Variants in LHFPL2 observed in about 807,000 individuals in gnomAD.
LHFPL2 encodes the protein LHFPL tetraspan subfamily member 2 protein.
A neutral mutation model predicts 17.5 loss-of-function variants in LHFPL2; 7 were observed. That is an observed-to-expected ratio of 0.40 (90% CI 0.23 to 0.75). The LOEUF is 0.75. LHFPL2 is among the 30% of genes least tolerant of loss of function. LHFPL2 has a pLI of 0.37. For missense variants in LHFPL2, 241 were observed against 294.8 expected (o/e 0.82, Z 1.34); for synonymous variants, 134 against 116.2 (o/e 1.15, Z -0.99).
At chr5:78,551,364 T>C (rs1276206815) in intron 3 of LHFPL2, among the ~76,000 whole-genome samples, 1 of 152,130 alleles carries the variant, frequency 6.6e-6, no homozygotes, top group East Asian at 1.9e-4. Flanking sequence ...TATGGGCAAT[T>C]TTGAATTTAA....
intron 4 of LHFPL2, among the ~76,000 whole-genome samples, chr5:78,498,985 A>G (rs76588141): frequency 0.027 from 4,041 of 152,198 alleles, 189 homozygotes; most frequent in African/African-American, 0.092. Context: ...CTCAGTTTCT[A>G]TGTCTCCAGC....
At chr5:78,554,330 C>T (rs1468787755) in intron 3 of LHFPL2, among the ~76,000 whole-genome samples, 3 of 152,222 alleles carry the variant, frequency 2.0e-5, no homozygotes, top group Non-Finnish European at 2.9e-5. Context: ...GGTTAGTTAA[C>T]GACAGAGAGG....
chr5:78,599,900 G>A (rs1359046305), intron 2 of LHFPL2, among the ~76,000 whole-genome samples: 1 of 152,036 alleles, frequency 6.6e-6, no homozygotes, highest in Non-Finnish European at 1.5e-5. Context: ...CATAGTACCT[G>A]AAAAGACAAA....
chr5:78,500,696 T>C (rs985240511), intron 4 of LHFPL2, among the ~76,000 whole-genome samples: 2 of 152,174 alleles, frequency 1.3e-5, no homozygotes, highest in Non-Finnish European at 2.9e-5. Flanking sequence ...AGTTATAACA[T>C]GAATCAAGAA....
chr5:78,596,262 G>T (rs1743823693), intron 2 of LHFPL2, among the ~76,000 whole-genome samples: 1 of 152,218 alleles, frequency 6.6e-6, no homozygotes, highest in Non-Finnish European at 1.5e-5. Context: ...TCTCAAGAAA[G>T]ATGCAAGGAG....
chr5:78,499,035 C>G (rs1050635686), intron 4 of LHFPL2, among the ~76,000 whole-genome samples: 5 of 152,234 alleles, frequency 3.3e-5, no homozygotes, highest in African/African-American at 9.6e-5. Flanking sequence ...ATGCAGTCCT[C>G]TACACATAAT....
intron 3 of LHFPL2, among the ~76,000 whole-genome samples, chr5:78,523,486 T>C (rs1273530844): frequency 6.6e-6 from 1 of 152,002 alleles, no homozygotes; most frequent in Non-Finnish European, 1.5e-5. Context: ...GGGGATGCTA[T>C]CTGCCTGAGA....
At chr5:78,505,431 A>T (rs1437766234) in intron 4 of LHFPL2, among the ~76,000 whole-genome samples, 4 of 152,190 alleles carry the variant, frequency 2.6e-5, no homozygotes, top group African/African-American at 9.7e-5. Context: ...CTGCCTCCAG[A>T]AAGAGAAGGA....
At chr5:78,510,931 T>C (rs1420865247) in intron 3 of LHFPL2, among the ~76,000 whole-genome samples, 1 of 152,208 alleles carries the variant, frequency 6.6e-6, no homozygotes, top group Non-Finnish European at 1.5e-5. Flanking sequence ...CCCGCTTTTA[T>C]TTCCTCGAAA....
At chr5:78,503,653 G>A (rs1042052298) in intron 4 of LHFPL2, among the ~76,000 whole-genome samples, 2 of 152,092 alleles carry the variant, frequency 1.3e-5, no homozygotes, top group Non-Finnish European at 2.9e-5. Flanking sequence ...AGCCAAAATC[G>A]AGCCATTGCA....
At chr5:78,600,885 T>C (rs1046586549) in intron 2 of LHFPL2, among the ~76,000 whole-genome samples, 2 of 152,134 alleles carry the variant, frequency 1.3e-5, no homozygotes, top group Non-Finnish European at 2.9e-5. Context: ...GGAACATAAA[T>C]AGCAGATGAC....
chr5:78,633,570 C>G (rs970877996), intron 1 of LHFPL2, among the ~76,000 whole-genome samples: 2 of 152,216 alleles, frequency 1.3e-5, no homozygotes, highest in Non-Finnish European at 2.9e-5. Context: ...GGACAGAGTA[C>G]AGAGATGGCC....
At chr5:78,493,133 T>C (rs1279580490) in intron 4 of LHFPL2, among the ~76,000 whole-genome samples, 1 of 152,246 alleles carries the variant, frequency 6.6e-6, no homozygotes, top group African/African-American at 2.4e-5. Flanking sequence ...TCTTTGGGTA[T>C]GTAGATAAAG....
intron 1 of LHFPL2, among the ~76,000 whole-genome samples, chr5:78,640,347 G>A (rs942888880): frequency 6.6e-6 from 1 of 152,182 alleles, no homozygotes; most frequent in Non-Finnish European, 1.5e-5. Context: ...CCCATTATAA[G>A]GGGTGGGGTC....
intron 4 of LHFPL2, among the ~76,000 whole-genome samples, chr5:78,507,166 C>G (rs1378503352): frequency 6.6e-6 from 1 of 151,908 alleles, no homozygotes; most frequent in Non-Finnish European, 1.5e-5. Flanking sequence ...TCTGTCAATA[C>G]TAAAAATACA....
intron 2 of LHFPL2, among the ~76,000 whole-genome samples, chr5:78,587,155 C>T (rs545304722): frequency 1.6e-4 from 25 of 152,258 alleles, no homozygotes; most frequent in African/African-American, 5.3e-4. Context: ...CCAAACGAGG[C>T]AAGTCTAAAT....
At chr5:78,490,446 C>T (rs750075816) in intron 4 of LHFPL2, among the ~76,000 whole-genome samples, 13 of 152,126 alleles carry the variant, frequency 8.5e-5, no homozygotes, top group South Asian at 6.2e-4. Flanking sequence ...AACTTTAAAA[C>T]TTTCTTGGTA....
At chr5:78,575,091 A>C (rs1450477032) in intron 2 of LHFPL2, among the ~76,000 whole-genome samples, 1 of 152,208 alleles carries the variant, frequency 6.6e-6, no homozygotes, top group Non-Finnish European at 1.5e-5. Context: ...GTGGATTATA[A>C]AACAGGCTGC....
chr5:78,610,196 G>A (rs952372256), intron 2 of LHFPL2, among the ~76,000 whole-genome samples: 1 of 152,178 alleles, frequency 6.6e-6, no homozygotes, highest in African/African-American at 2.4e-5. Flanking sequence ...CCACACTGTA[G>A]GAAAAGAGCC....
Sources: allele counts gnomAD v4.1 joint callset (sites outside exome capture counted in the v4.1 genomes callset), GRCh38; gene constraint gnomAD v4.1.1; transcripts MANE v1.5; gene names NCBI Gene and HGNC (gene_info 2026-07-23, HGNC 2026-07-21).